ABCA12: variants seen among roughly 807,000 people sequenced by gnomAD.
The protein encoded by ABCA12 is ATP binding cassette subfamily A member 12, also known as glucosylceramide transporter ABCA12.
A neutral mutation model predicts 293.5 loss-of-function variants in ABCA12; 156 were observed. That is an observed-to-expected ratio of 0.53 (90% CI 0.47 to 0.61). ABCA12 has a LOEUF of 0.61. ABCA12 is among the 20% of genes least tolerant of loss of function. The probability of loss-of-function intolerance (pLI) is 0.00; values close to 1 mark genes in which losing one functional copy is unlikely to be tolerated. For synonymous variants in ABCA12, 1,063 were observed against 1,108.0 expected, an observed-to-expected ratio of 0.96 and a Z score of 0.81; for missense variants, 2,797 against 3,090.2, an observed-to-expected ratio of 0.91 and a Z score of 2.25.
chr2:215,119,774 CAG>C (rs571542754), intron 1 of ABCA12, among the ~76,000 whole-genome samples: 5 of 126,110 alleles, frequency 4.0e-5, no homozygotes, highest in African/African-American at 7.6e-5. Context: ...CAAAAAAAAA[CAG>C]ATGCTGGCAA....
chr2:215,055,365 C>T (rs1004688335), intron 3 of ABCA12, among the ~76,000 whole-genome samples: 5 of 152,066 alleles, frequency 3.3e-5, no homozygotes, highest in Non-Finnish European at 7.4e-5. Context: ...TAGTAACCCC[C>T]TCTTTTCTAA....
At position 214,945,118 on chromosome 2, in the gene ABCA12, TACA is replaced by T. The variant is rs574161259; in HGVS notation, c.7240-17_7240-15del. 850 of 1,604,048 alleles carry T rather than the reference TACA, an allele frequency of 5.3e-4. 8 individuals carry two copies. The South Asian group carries it at 7.1e-3, about 13-fold the overall frequency. On this transcript the variant is annotated splice_polypyrimidine_tract_variant and intron_variant, in intron 48 of 52. Transcript: ENST00000272895. ...GCTCGGCTCATCCTTAATAGAAAGT[TACA>T]ACAAAAATTTATCAAATTAATTAAT... is the stretch of plus-strand genomic sequence containing the variant.
intron 2 of ABCA12, among the ~76,000 whole-genome samples, chr2:215,085,197 T>C (rs950312203): frequency 5.9e-5 from 9 of 152,184 alleles, no homozygotes; most frequent in African/African-American, 2.2e-4. Context: ...AAGCTTTTGC[T>C]ATAAAGCCCA....
intron 50 of ABCA12, among the ~76,000 whole-genome samples, chr2:214,940,668 G>C (rs1698369517): frequency 6.6e-6 from 1 of 152,080 alleles, no homozygotes; most frequent in African/African-American, 2.4e-5. Context: ...TCTATTGAGG[G>C]ATTTGACTTC....
intron 44 of ABCA12, among the ~76,000 whole-genome samples, chr2:214,951,546 C>T (rs1488922094): frequency 6.6e-6 from 1 of 152,172 alleles, no homozygotes; most frequent in Non-Finnish European, 1.5e-5. Context: ...CACCTGAGGT[C>T]AGAAGTTCAA....
At chr2:215,045,506 G>C (rs1358428378) in intron 7 of ABCA12, among the ~76,000 whole-genome samples, 2 of 152,158 alleles carry the variant, frequency 1.3e-5, no homozygotes, top group Non-Finnish European at 2.9e-5. Flanking sequence ...TAGAGCTCAG[G>C]TTGTCCCTGA....
intron 11 of ABCA12, among the ~76,000 whole-genome samples, chr2:215,025,094 A>C (rs1373004725): frequency 6.6e-6 from 1 of 152,196 alleles, no homozygotes; most frequent in Admixed American, 6.5e-5. Flanking sequence ...CTACTTTTAC[A>C]AATTTTAAAA....
intron 2 of ABCA12, among the ~76,000 whole-genome samples, chr2:215,103,985 TA>T (rs111652480): frequency 1.0e-3 from 155 of 151,820 alleles, no homozygotes; most frequent in African/African-American, 3.2e-3. Context: ...AGATTCCATT[TA>T]AAAAAAATGT....
At chr2:214,971,902 A>G (rs1469304736) in intron 36 of ABCA12, among the ~76,000 whole-genome samples, 1 of 152,144 alleles carries the variant, frequency 6.6e-6, no homozygotes, top group African/African-American at 2.4e-5. Flanking sequence ...GTTGCTGCAT[A>G]TTTTTGTTAA....
At chr2:215,060,882 G>A (rs1174806200) in intron 3 of ABCA12, among the ~76,000 whole-genome samples, 5 of 152,044 alleles carry the variant, frequency 3.3e-5, no homozygotes, top group African/African-American at 1.2e-4. Context: ...TAGGAGCAGA[G>A]GTACGAATTT....
rs1698618417 is a variant in ABCA12, at chr2:214,947,475, T to C, written c.7186A>G (p.Arg2396Gly). The change falls in exon 48 of 53, where the codon AGA becomes GGA. Residue 2396 changes from arginine (R) to glycine (G), a missense_variant. Transcript: ENST00000272895. ...AAGGCCAGTGCAGTGGATAATTTTC[T>C]TTTTGTGCCATAACTGCACATAGAG... ...ATSMCSYGTK[R>G]KLSTALALIG... 6.2e-7 allele frequency: 1 copy of C among 1,614,064 alleles called. No individual in the cohort carries two copies. The highest frequency in any genetic ancestry group is 8.5e-7 in the Non-Finnish European group (1 of 1,179,930).
chr2:215,123,473 C>T (rs558527751), intron 1 of ABCA12, among the ~76,000 whole-genome samples: 2 of 152,222 alleles, frequency 1.3e-5, no homozygotes, highest in East Asian at 3.9e-4. Context: ...ACCTGGCGTC[C>T]CACATTTTCT....
At chr2:214,991,784 G>A (rs1437966145) in intron 23 of ABCA12, among the ~76,000 whole-genome samples, 2 of 152,082 alleles carry the variant, frequency 1.3e-5, no homozygotes, top group Admixed American at 1.3e-4. Context: ...CGTTCCACAA[G>A]GTAGAAAAAT....
intron 2 of ABCA12, among the ~76,000 whole-genome samples, chr2:215,099,998 ATCTCTCTC>A (rs771541522): frequency 6.8e-6 from 1 of 147,806 alleles, no homozygotes; most frequent in African/African-American, 2.5e-5. Context: ...GATGAAATTG[ATCTCTCTC>A]TCTCTCTCTC....
intron 2 of ABCA12, among the ~76,000 whole-genome samples, chr2:215,096,412 C>T (rs940346899): frequency 2.6e-5 from 4 of 152,088 alleles, no homozygotes; most frequent in East Asian, 1.9e-4. Context: ...TGATTTTTCT[C>T]ATCTGGAAAT....
At chr2:214,978,287 TAAAC>T (rs1699566610) in intron 33 of ABCA12, 25 bp downstream of exon 33, 4 of 1,613,418 alleles carry the variant, frequency 2.5e-6, no homozygotes, top group South Asian at 1.1e-5. Context: ...CCATTGGAAT[TAAAC>T]AAAATATCCA....
intron 2 of ABCA12, among the ~76,000 whole-genome samples, chr2:215,097,864 C>G (rs1702279015): frequency 6.6e-6 from 1 of 152,108 alleles, no homozygotes; most frequent in Non-Finnish European, 1.5e-5. Context: ...CCACATAAAA[C>G]CAAAGATAAA....
In ABCA12 at chr2:214,944,963, A is replaced by G. The variant is rs200152613; in HGVS notation, c.7343+38T>C. On this transcript the variant is annotated intron_variant, in intron 49 of 52. Transcript: ENST00000272895. ...ACCTTTTCCCACCTGTCATCCTAAG[A>G]CTGTGTGGATTCGCTTTAAAGATTC... The G allele has an allele frequency of 1.1e-3, 1,659 of 1,555,302 alleles. 3 individuals carry two copies. Among genetic ancestry groups the G allele is most frequent in the Non-Finnish European group, 1.3e-3 (1,489 of 1,128,464 alleles).
chr2:215,086,033 T>C (rs970784972), intron 2 of ABCA12, among the ~76,000 whole-genome samples: 1 of 152,196 alleles, frequency 6.6e-6, no homozygotes, highest in African/African-American at 2.4e-5. Flanking sequence ...TTTTAAGCCA[T>C]GGGCAAGATA....
Sources: allele counts gnomAD v4.1 joint callset (sites outside exome capture counted in the v4.1 genomes callset), GRCh38; gene constraint gnomAD v4.1.1; transcripts MANE v1.5; gene names NCBI Gene and HGNC (gene_info 2026-07-23, HGNC 2026-07-21).